TTN: variants seen among roughly 807,000 people sequenced by gnomAD.
TTN encodes titin.
TTN carries 1,525 observed loss-of-function variants against 3,223.0 expected under a neutral mutation model. That is an observed-to-expected ratio of 0.47 (90% CI 0.45 to 0.49). The LOEUF is 0.49. Among genes scored for constraint, TTN ranks in the 20% least tolerant of loss-of-function variants. TTN has a pLI of 0.00. For synonymous variants in TTN, 14,094 were observed against 15,161.0 expected, an observed-to-expected ratio of 0.93 and a Z score of 5.17; for missense variants, 40,786 against 43,424.0, an observed-to-expected ratio of 0.94 and a Z score of 5.40.
chr2:178,582,746 AAATTAGGT>A (rs1257730105), intron 313 of TTN, 154 bp from the exon 314 acceptor site: 65 of 933,780 alleles, frequency 7.0e-5, no homozygotes, highest in Non-Finnish European at 9.4e-5. Flanking sequence ...TTCACTTGTA[AAATTAGGT>A]AATTGAAATA....
At position 178,622,100 on chromosome 2, in the gene TTN, G is replaced by T. The variant is rs974538324; in HGVS notation, c.44914-92C>A. Reference sequence around the variant, plus strand: ...ACTATGATCCTGAGTTTTTCTGAAAGCAACCAACAAGACTTCATAGTGTGA... The same window carrying T: ...ACTATGATCCTGAGTTTTTCTGAAATCAACCAACAAGACTTCATAGTGTGA... On this transcript the variant is annotated intron_variant, in intron 243 of 362. Transcript: ENST00000589042. 1.4e-5 allele frequency: 17 copies of T among 1,243,246 alleles called. No homozygotes were observed. In the African/African-American group the frequency reaches 2.6e-4, roughly 19 times the overall value. The allele number at this position is 1,243,246 out of a possible 1,614,324, so 77.0% of individuals were successfully genotyped here. A position where few individuals can be genotyped will look rare whatever the true frequency, so the allele number is the denominator to read the frequency against.
chr2:178,580,182 C>T lies in TTN; in HGVS notation c.67105G>A (p.Asp22369Asn). The change falls in exon 318 of 363, where the codon GAC (aspartate) becomes AAC (asparagine). Residue 22369 changes from aspartate to asparagine, a missense_variant. Coordinates refer to ENST00000589042, the MANE Select transcript of TTN (RefSeq NM_001267550.2). ...GGCTCCCAGGTAACATAAGCAGAGT[C>T]TTTGGATATTTCCTTAACAGTCACA... ...VNVTVKEISKDSAYVTWEPPI... is the reference protein window; with the variant it reads ...VNVTVKEISKNSAYVTWEPPI... 2 of 1,613,132 alleles carry T rather than the reference C, an allele frequency of 1.2e-6. No homozygotes were observed. Among genetic ancestry groups the T allele is most frequent in the Non-Finnish European group, 1.7e-6 (2 of 1,179,470 alleles).
chr2:178,689,261 C>G (rs1468211627), intron 124 of TTN, 29 bp downstream of exon 124: 1 of 1,606,262 alleles, frequency 6.2e-7, no homozygotes, highest in Non-Finnish European at 8.5e-7. Context: ...AACATAAAGA[C>G]AGTTCTTGGG....
intron 250 of TTN, 106 bp from the exon 251 acceptor site, chr2:178,618,959 G>A: frequency 7.1e-7 from 1 of 1,414,854 alleles, no homozygotes; most frequent in South Asian, 1.4e-5. Flanking sequence ...AACCTTGGAA[G>A]TAAGCTACAG....
intron 109 of TTN, 89 bp from the exon 110 acceptor site, chr2:178,701,676 G>C: frequency 7.8e-7 from 1 of 1,283,368 alleles, no homozygotes; most frequent in Non-Finnish European, 1.1e-6. Context: ...TAGATCCTGA[G>C]ATATGTCAGG....
rs1064793560 is a variant in TTN at position 178,536,160 on chromosome 2, C to T, written c.100587G>A (p.Trp33529Ter). 4 of 1,613,438 alleles carry T rather than the reference C, an allele frequency of 2.5e-6. No homozygotes were observed. Among genetic ancestry groups the T allele is most frequent in the Non-Finnish European group, 3.4e-6 (4 of 1,179,680 alleles). Residue 33529 changes from tryptophan to a stop codon, truncating the protein, a stop_gained, in exon 357 of 363, where the codon TGG becomes TGA. Transcript: ENST00000589042. LOFTEE classifies it high-confidence loss of function. The part of the protein sequence containing the change: ...VTGHPKPIVK[W>*]YRQGKEIIAD... ...CAATGATTTCTTTGCCTTGTCTGTA[C>T]CATTTGACGATAGGTTTTGGATGAC...
chr2:178,614,146 G>T lies in TTN; in HGVS notation c.49251C>A (p.Pro16417=). The T allele has an allele frequency of 6.2e-7, 1 of 1,612,378 alleles. No homozygotes were observed. The highest frequency in any genetic ancestry group is 8.5e-7 in the Non-Finnish European group (1 of 1,179,204). The change falls in exon 262 of 363, where the codon CCC becomes CCA. Residue 16417 remains proline, a synonymous_variant. Coordinates refer to ENST00000589042, the MANE Select transcript of TTN (RefSeq NM_001267550.2). The part of the protein sequence containing the change: ...DTNFKATKLI[P]NKEYIFRVAA... Reference sequence around the variant, plus strand: ...CAACTCTGAAGATGTACTCTTTATTGGGGATTAATTTGGTGGCCTTGAAGT... The same window carrying T: ...CAACTCTGAAGATGTACTCTTTATTTGGGATTAATTTGGTGGCCTTGAAGT...
At chr2:178,678,648 TAA>T in intron 143 of TTN, 97 bp downstream of exon 143, 2 of 1,215,762 alleles carry the variant, frequency 1.6e-6, no homozygotes, top group Non-Finnish European at 2.3e-6. Context: ...TAATTTTCTC[TAA>T]AGAGTTGCAT....
Position 178,534,293 on chromosome 2 carries a change from C to T in TTN, c.102322G>A (p.Ala34108Thr). Residue 34108 changes from alanine (A) to threonine (T), a missense_variant, in exon 358 of 363, where the codon GCA becomes ACA. Coordinates refer to ENST00000589042, the MANE Select transcript of TTN (RefSeq NM_001267550.2). ...IKKDLNMVVS[A>T]ARISCGGAIR... The stretch of plus-strand genomic sequence containing the variant: ...GCACCACCACAGGAGATCCGGGCTG[C>T]TGACACAACCATGTTGAGGTCTTTC... 2 of 1,613,850 alleles carry T rather than the reference C, an allele frequency of 1.2e-6. No individual in the cohort carries two copies. Among genetic ancestry groups the T allele is most frequent in the East Asian group, 2.2e-5 (1 of 44,882 alleles).
chr2:178,558,334 G>A lies in TTN; in HGVS notation c.87118+7C>T. ...CAAATTTTGCTTCTACACAAAATTA[G>A]ACATACCTAGTTGCTCCTTAATAAG... is the stretch of plus-strand genomic sequence containing the variant. On this transcript the variant is annotated splice_region_variant and intron_variant, in intron 327 of 362. Coordinates refer to ENST00000589042, the MANE Select transcript of TTN (RefSeq NM_001267550.2). 1 of 1,606,126 alleles carries A rather than the reference G, an allele frequency of 6.2e-7. No individual in the cohort carries two copies. The highest frequency in any genetic ancestry group is 8.5e-7 in the Non-Finnish European group (1 of 1,177,960).
rs1238118568 is a variant in TTN at position 178,530,027 on chromosome 2, T to C, written c.106464A>G (p.Gly35488=). Residue 35488 remains glycine, a synonymous_variant, in exon 359 of 363, where the codon GGA becomes GGG. Transcript: ENST00000589042. ...AATTTTTTACTGTACAAGTATAAAG[T>C]CCACTGTCAGAAGTATCAGTCTTAT... ...EIHKTDTSDS[G]LYTCTVKNSA... 1.2e-6 allele frequency: 2 copies of C among 1,610,160 alleles called. No individual in the cohort carries two copies. The highest frequency in any genetic ancestry group is 1.7e-6 in the Non-Finnish European group (2 of 1,178,976).
intron 47 of TTN, chr2:178,750,533 T>A (rs756631713): frequency 6.2e-7 from 1 of 1,612,690 alleles, no homozygotes; most frequent in Non-Finnish European, 8.5e-7. Context: ...GTCACCTTCA[T>A]AAACTTCTTG....
At position 178,583,773 on chromosome 2, in the gene TTN, T is replaced by C. The variant is rs772005224; in HGVS notation, c.65409A>G (p.Lys21803=). 2 of 1,611,394 alleles carry C rather than the reference T, an allele frequency of 1.2e-6. No individual in the cohort carries two copies. The highest frequency in any genetic ancestry group is 1.7e-6 in the Non-Finnish European group (2 of 1,178,704). The part of the protein sequence containing the change: ...FVEACKLPGD[K]WVRCNTAPHQ... ...GAGGTGCAGTATTGCACCGTACCCA[T>C]TTATCACCAGGAAGTTTGCAAGCTT... The change falls in exon 312 of 363, where the codon AAA becomes AAG. Residue 21803 remains lysine, a synonymous_variant. Transcript: ENST00000589042.
Position 178,572,356 on chromosome 2 carries a change from C to T in TTN, c.73776G>A (p.Arg24592=), listed in dbSNP as rs886055247. Reference sequence around the variant, plus strand: ...TGCCATATTCATTTTCTGCGAGAACCCTGAAATAGTAGCTACAGCCTTCTT... The same window carrying T: ...TGCCATATTCATTTTCTGCGAGAACTCTGAAATAGTAGCTACAGCCTTCTT... ...QLQEGCSYYF[R]VLAENEYGIG... The change falls in exon 326 of 363, where the codon AGG becomes AGA. Residue 24592 remains arginine, a synonymous_variant. Transcript: ENST00000589042. 6.2e-7 allele frequency: 1 copy of T among 1,612,510 alleles called. No homozygotes were observed. The highest frequency in any genetic ancestry group is 1.7e-5 in the Admixed American group (1 of 59,982).
rs369385294 is a variant in TTN, at chr2:178,714,493, C to T, written c.26281G>A (p.Gly8761Ser). The change falls in exon 91 of 363, where the codon GGC becomes AGC. Residue 8761 changes from glycine to serine, a missense_variant. Gly to Ser is a moderately conservative substitution (Grantham distance 56). Coordinates refer to ENST00000589042, the MANE Select transcript of TTN (RefSeq NM_001267550.2). ...CACACCACTGAAATGGGTTCAGCGC[C>T]TTCAATGGTAGTCTGCAGCTGAACT... ...KEVQLQTTIE[G>S]AEPISVVWFK... 229 of 1,613,350 alleles carry T rather than the reference C, an allele frequency of 1.4e-4. No homozygotes were observed. Among genetic ancestry groups the T allele is most frequent in the Non-Finnish European group, 1.9e-4 (220 of 1,179,634 alleles).
chr2:178,561,876 GGCA>G lies in TTN; in HGVS notation c.84253_84255del (p.Cys28085del). 6.2e-7 allele frequency: 1 copy of G among 1,613,578 alleles called. No individual in the cohort carries two copies. On this transcript the variant is annotated inframe_deletion, in exon 326 of 363. Coordinates refer to ENST00000589042, the MANE Select transcript of TTN (RefSeq NM_001267550.2). ...TTTTCAACAATGTAATTGCTAATTT[GGCA>G]GCCACCATCATATTCTGGAGGATTC...
chr2:178,799,554 G>C lies in TTN; in HGVS notation c.847C>G (p.Pro283Ala), dbSNP rs764102032. 1 of 1,614,194 alleles carries C rather than the reference G, an allele frequency of 6.2e-7. No individual in the cohort carries two copies. Among genetic ancestry groups the C allele is most frequent in the Admixed American group, 1.7e-5 (1 of 60,024 alleles). The change falls in exon 6 of 363, where the codon CCA becomes GCA. Residue 283 changes from proline (P) to alanine (A), a missense_variant. Physicochemically the swap from Pro to Ala is conservative, Grantham distance 27. Coordinates refer to ENST00000589042, the MANE Select transcript of TTN (RefSeq NM_001267550.2). ...GAAGGGGAGTGTCTTATGGGCGATG[G>C]GGACTGCTGCCGAGCCAGCTGTGCT... The part of the protein sequence containing the change: ...AKAQLARQQS[P>A]SPIRHSPSPV...
chr2:178,577,904 A>G lies in TTN; in HGVS notation c.68528-6T>C. ...CTCAGGTTTTCCAGGAGGATCTAAA[A>G]CATAAAAGCAAAACCAGTCAAACAA... On this transcript the variant is annotated splice_polypyrimidine_tract_variant and splice_region_variant and intron_variant, in intron 322 of 362. Coordinates refer to ENST00000589042, the MANE Select transcript of TTN (RefSeq NM_001267550.2). 6.3e-7 allele frequency: 1 copy of G among 1,581,436 alleles called. No homozygotes were observed. The highest frequency in any genetic ancestry group is 8.6e-7 in the Non-Finnish European group (1 of 1,165,542).
At chr2:178,544,622 G>T in intron 344 of TTN, 116 bp from the exon 345 acceptor site, 1 of 823,630 alleles carries the variant, frequency 1.2e-6, no homozygotes, top group Non-Finnish European at 1.9e-6. Flanking sequence ...CACTCACCAA[G>T]ATAATCTTTA....
Sources: gnomAD v4.1 joint callset for allele counts on GRCh38, gnomAD v4.1.1 for gene constraint, MANE v1.5 for transcripts, NCBI Gene and HGNC (gene_info 2026-07-23, HGNC 2026-07-21) for gene names.